Variants in RTL9 observed in about 807,000 individuals in gnomAD.
RTL9 encodes the protein retrotransposon Gag like 9, also known as retrotransposon Gag-like protein 9.
A neutral mutation model predicts 44.7 loss-of-function variants in RTL9; 19 were observed. The observed-to-expected ratio is 0.42, with a 90% CI of 0.30 to 0.62. The LOEUF (loss-of-function observed/expected upper bound fraction) is 0.62. RTL9 is among the 20% of genes least tolerant of loss of function. The pLI, the probability that RTL9 is intolerant of heterozygous loss-of-function variation, is 0.16. For synonymous variants in RTL9, 407 were observed against 398.9 expected, an observed-to-expected ratio of 1.02 and a Z score of -0.24; for missense variants, 1,105 against 1,080.6, an observed-to-expected ratio of 1.02 and a Z score of -0.32.
At chrX:110,386,950 A>G (rs1044607521) in intron 1 of RTL9, among the ~76,000 whole-genome samples, 1 of 112,447 alleles carries the variant, frequency 8.9e-6, no homozygotes, top group African/African-American at 3.2e-5. Context: ...AACAGAAAAG[A>G]TGCCACAGAG....
Position 110,454,602 on chromosome X carries a change from T to C in RTL9, c.3985T>C (p.Cys1329Arg), listed in dbSNP as rs1336899261. The change falls in exon 1 of 2, where the codon TGT becomes CGT. Residue 1329 changes from cysteine (C) to arginine (R), a missense_variant. Transcript: ENST00000540313. Reference sequence around the variant, plus strand: ...CTCAAGCCAGGTTCTGCCAACAGCCTGTAAGCGGAATAATGAGGAGGCCAT... The same window carrying C: ...CTCAAGCCAGGTTCTGCCAACAGCCCGTAAGCGGAATAATGAGGAGGCCAT... 1.7e-6 allele frequency: 2 copies of C among 1,208,939 alleles called. No individual in the cohort carries two copies. Among genetic ancestry groups the C allele is most frequent in the East Asian group, 3.0e-5 (1 of 33,742 alleles).
At chrX:110,387,850 C>G (rs1340431613) in intron 1 of RTL9, among the ~76,000 whole-genome samples, 1 of 104,560 alleles carries the variant, frequency 9.6e-6, no homozygotes, top group Non-Finnish European at 1.9e-5. Context: ...TCGTTATCTC[C>G]CTCTCTCTTT....
chrX:110,394,416 T>C (rs1313724348), intron 1 of RTL9, among the ~76,000 whole-genome samples: 1 of 111,835 alleles, frequency 8.9e-6, no homozygotes, highest in Non-Finnish European at 1.9e-5. Flanking sequence ...CATGCCTGGC[T>C]AAATTTTTGT....
chrX:110,453,938 C>T, exon 1 of RTL9: 2 of 1,211,948 alleles, frequency 1.7e-6, no homozygotes, highest in South Asian at 3.5e-5. Flanking sequence ...AGGCATCCAC[C>T]TCTCACATTA....
At chrX:110,409,390 T>G (rs951574308) in intron 1 of RTL9, among the ~76,000 whole-genome samples, 62 of 111,589 alleles carry the variant, frequency 5.6e-4, no homozygotes, top group African/African-American at 1.9e-3. Flanking sequence ...AAGAGAGTTG[T>G]GTTTACATTC....
rs1237762598 is a variant in RTL9 at position 110,378,032 on chromosome X, AT to A, written c.-168+19117del. Among the ~76,000 whole-genome samples, 939 of 105,945 alleles carry A rather than the reference AT, an allele frequency of 8.9e-3. 10 individuals are homozygous for A. The highest frequency in any genetic ancestry group is 0.014 in the Non-Finnish European group (697 of 51,620). The allele number at this position is 105,945 out of a possible 115,157, so 92.0% of individuals were successfully genotyped here. ...TCAAAAAAAAAAAAAAAAAAAAAAA[AT>A]ATCTACCTCCATCTCAAAAACCTCT... On this transcript the variant is annotated intron_variant, in intron 1 of 2. Transcript: ENST00000520821.
chrX:110,421,163 A>T (rs2068714501), intron 1 of RTL9, among the ~76,000 whole-genome samples: 1 of 112,202 alleles, frequency 8.9e-6, no homozygotes, highest in African/African-American at 3.2e-5. Flanking sequence ...AAAATGGATC[A>T]CTCTGATGTA....
intron 1 of RTL9, among the ~76,000 whole-genome samples, chrX:110,393,378 C>T (rs1446107498): frequency 1.8e-5 from 2 of 112,096 alleles, no homozygotes; most frequent in African/African-American, 6.5e-5. Context: ...GTACCAGGTG[C>T]TTTATTTTCA....
chrX:110,447,578 A>G (rs142624351), upstream of RTL9, among the ~76,000 whole-genome samples: 40 of 110,521 alleles, frequency 3.6e-4, no homozygotes, highest in East Asian at 8.2e-3. Flanking sequence ...TTTAAAAAAA[A>G]TTATTATTAT....
chrX:110,386,115 G>A (rs1380675775), intron 1 of RTL9, among the ~76,000 whole-genome samples: 1 of 110,857 alleles, frequency 9.0e-6, no homozygotes, highest in Non-Finnish European at 1.9e-5. Flanking sequence ...TTTGTGTAAA[G>A]ATATGTTTTT....
upstream of RTL9, among the ~76,000 whole-genome samples, chrX:110,418,216 C>T (rs186826371): frequency 1.1e-3 from 129 of 112,470 alleles, no homozygotes; most frequent in African/African-American, 4.0e-3. Flanking sequence ...AGAGATACGC[C>T]TGATGGTCTA....
intron 1 of RTL9, among the ~76,000 whole-genome samples, chrX:110,420,175 G>A (rs1314635707): frequency 1.8e-5 from 2 of 111,780 alleles, no homozygotes; most frequent in Non-Finnish European, 3.8e-5. Context: ...TACAGCACTG[G>A]CCACATTGCA....
chrX:110,453,678 G>C (rs891034625), exon 1 of RTL9: 2 of 1,210,411 alleles, frequency 1.7e-6, no homozygotes, highest in African/African-American at 3.5e-5. Flanking sequence ...GCCAATTAGA[G>C]CCTCTGCTTC....
intron 1 of RTL9, among the ~76,000 whole-genome samples, chrX:110,383,271 C>A (rs2148277180): frequency 9.0e-6 from 1 of 111,079 alleles, no homozygotes; most frequent in Admixed American, 9.6e-5. Flanking sequence ...CCCACCATGG[C>A]CCATCCCCTT....
intron 1 of RTL9, among the ~76,000 whole-genome samples, chrX:110,411,774 A>T (rs2068643544): frequency 8.9e-6 from 1 of 112,595 alleles, no homozygotes; most frequent in African/African-American, 3.2e-5. Flanking sequence ...TACAGCACTT[A>T]CCATGATTTA....
intron 1 of RTL9, among the ~76,000 whole-genome samples, chrX:110,362,057 G>T (rs2068267355): frequency 1.8e-5 from 2 of 111,796 alleles, no homozygotes; most frequent in South Asian, 7.5e-4. Context: ...CCAACATCTA[G>T]AATAGTACCT....
intron 1 of RTL9, among the ~76,000 whole-genome samples, chrX:110,372,665 T>C (rs1427852344): frequency 8.9e-6 from 1 of 112,161 alleles, no homozygotes; most frequent in Non-Finnish European, 1.9e-5. Flanking sequence ...ATTTTCACTG[T>C]TAAAAGCAAC....
intron 1 of RTL9, among the ~76,000 whole-genome samples, chrX:110,394,548 C>A (rs2068516619): frequency 8.9e-6 from 1 of 112,669 alleles, no homozygotes; most frequent in African/African-American, 3.2e-5. Context: ...TTGTTTATAT[C>A]AATTAGCCTA....
At chrX:110,420,440 G>A (rs1478610880) in intron 1 of RTL9, among the ~76,000 whole-genome samples, 1 of 112,087 alleles carries the variant, frequency 8.9e-6, no homozygotes, top group Non-Finnish European at 1.9e-5. Flanking sequence ...GGGCACAAGG[G>A]TATTCTGGTG....
Sources: gnomAD v4.1 joint callset for allele counts (sites outside exome capture counted in the v4.1 genomes callset) on GRCh38, gnomAD v4.1.1 for gene constraint, MANE v1.5 for transcripts, NCBI Gene and HGNC (gene_info 2026-07-23, HGNC 2026-07-21) for gene names.